Variants in EFNA5 observed in about 807,000 individuals in gnomAD.
EFNA5 encodes the protein ephrin A5.
In EFNA5, 5 loss-of-function variants were observed where a neutral mutation model predicts 22.9. That is an observed-to-expected ratio of 0.22 (90% CI 0.11 to 0.46). EFNA5 has a LOEUF of 0.46. Ranked by LOEUF, EFNA5 falls within the 20% of genes least tolerant of loss-of-function variation. The pLI, the probability that EFNA5 is intolerant of heterozygous loss-of-function variation, is 0.99. For missense variants in EFNA5, 237 were observed against 293.3 expected (o/e 0.81, Z 1.40); for synonymous variants, 113 against 112.2 (o/e 1.01, Z -0.04).
chr5:107,518,758 T>A (rs535682041), intron 1 of EFNA5, among the ~76,000 whole-genome samples: 1 of 152,304 alleles, frequency 6.6e-6, no homozygotes, highest in South Asian at 2.1e-4. Flanking sequence ...CTACAACGTA[T>A]GGCAATGTTT....
rs567191492 is a variant in EFNA5, at chr5:107,456,735, C to T, written c.126-29226G>A. On this transcript the variant is annotated intron_variant, in intron 1 of 4. Transcript: ENST00000333274. The stretch of plus-strand genomic sequence containing the variant: ...TCTATACCCTTTTGCATCTCTAATG[C>T]TCACCTCCTGTCCAGATGAGCTCTC... Among the ~76,000 whole-genome samples, 48 of 152,254 alleles carry T rather than the reference C, an allele frequency of 3.2e-4. 1 individual carries two copies. The highest frequency in any genetic ancestry group is 1.1e-3 in the African/African-American group (44 of 41,548).
chr5:107,558,119 A>G (rs2112474674), intron 1 of EFNA5, among the ~76,000 whole-genome samples: 1 of 152,238 alleles, frequency 6.6e-6, no homozygotes, highest in East Asian at 1.9e-4. Flanking sequence ...ATTAAAATAA[A>G]CATAAACAAG....
At chr5:107,665,209 T>C (rs904815568) in intron 1 of EFNA5, among the ~76,000 whole-genome samples, 7 of 152,324 alleles carry the variant, frequency 4.6e-5, no homozygotes, top group Middle Eastern at 3.4e-3. Context: ...TGGCCCAGCG[T>C]GAAGCTGGTA....
At chr5:107,393,500 G>C (rs1370806347) in intron 2 of EFNA5, among the ~76,000 whole-genome samples, 1 of 152,126 alleles carries the variant, frequency 6.6e-6, no homozygotes, top group Non-Finnish European at 1.5e-5. Flanking sequence ...CCTTTTCTGT[G>C]TCCCATGTCA....
intron 2 of EFNA5, among the ~76,000 whole-genome samples, chr5:107,413,743 A>T (rs528124087): frequency 6.6e-6 from 1 of 152,148 alleles, no homozygotes; most frequent in Non-Finnish European, 1.5e-5. Context: ...AAAGGGTTCT[A>T]TGGTTTTTGT....
chr5:107,544,338 C>T (rs1580522295), intron 1 of EFNA5, among the ~76,000 whole-genome samples: 2 of 152,280 alleles, frequency 1.3e-5, no homozygotes, highest in Non-Finnish European at 2.9e-5. Context: ...GCGTAGTGCA[C>T]AGAGCATCAC....
chr5:107,634,070 T>G (rs1380035139), intron 1 of EFNA5, among the ~76,000 whole-genome samples: 1 of 152,222 alleles, frequency 6.6e-6, no homozygotes, highest in African/African-American at 2.4e-5. Context: ...CCACACAGTA[T>G]GTTTAATGGT....
chr5:107,565,286 GA>G (rs1173713333), intron 1 of EFNA5, among the ~76,000 whole-genome samples: 1 of 152,166 alleles, frequency 6.6e-6, no homozygotes, highest in African/African-American at 2.4e-5. Flanking sequence ...ATAGAGTTAG[GA>G]AAATAGTACG....
chr5:107,564,643 T>G (rs1432976317), intron 1 of EFNA5, among the ~76,000 whole-genome samples: 1 of 150,824 alleles, frequency 6.6e-6, no homozygotes, highest in Admixed American at 6.6e-5. Flanking sequence ...TTTTTTTTTT[T>G]TTTTTTTTGA....
intron 1 of EFNA5, among the ~76,000 whole-genome samples, chr5:107,547,014 G>A (rs184054632): frequency 1.3e-5 from 2 of 152,242 alleles, no homozygotes; most frequent in East Asian, 3.9e-4. Context: ...AATGATGGAT[G>A]GAAGTAAGGA....
At chr5:107,389,002 C>T (rs182087128) in intron 2 of EFNA5, among the ~76,000 whole-genome samples, 91 of 152,304 alleles carry the variant, frequency 6.0e-4, no homozygotes, top group African/African-American at 2.1e-3. Context: ...CCAAGTAACC[C>T]TCCTGGAGGA....
chr5:107,486,353 T>C (rs774232495), intron 1 of EFNA5, among the ~76,000 whole-genome samples: 5 of 152,044 alleles, frequency 3.3e-5, no homozygotes, highest in Non-Finnish European at 5.9e-5. Context: ...AGCTAAAAGA[T>C]ATGGAAGATA....
At chr5:107,444,178 C>G (rs763021369) in intron 1 of EFNA5, among the ~76,000 whole-genome samples, 1 of 152,194 alleles carries the variant, frequency 6.6e-6, no homozygotes. Flanking sequence ...TTCTGCACCC[C>G]TGAAAAAAGC....
intron 1 of EFNA5, among the ~76,000 whole-genome samples, chr5:107,530,119 CAA>C (rs760869463): frequency 5.3e-5 from 8 of 152,198 alleles, no homozygotes; most frequent in Non-Finnish European, 1.2e-4. Context: ...GACCAACTTC[CAA>C]ATTTCAGTGG....
At chr5:107,541,865 T>C (rs1748055620) in intron 1 of EFNA5, among the ~76,000 whole-genome samples, 1 of 152,258 alleles carries the variant, frequency 6.6e-6, no homozygotes, top group South Asian at 2.1e-4. Context: ...TTATTCTCTC[T>C]GTTCTACCAT....
In EFNA5 at chr5:107,581,737, C is replaced by G. The variant is rs80061065; in HGVS notation, c.125+88752G>C. ...TGCCTGCTTAGTGTGTAAATGGGAA[C>G]AGGGAGTAGAATCTAGGTCCCCAGC... On this transcript the variant is annotated intron_variant, in intron 1 of 4. Transcript: ENST00000333274. Among the ~76,000 whole-genome samples the G allele has an allele frequency of 9.8e-5, 15 of 152,286 alleles. 1 individual carries two copies. The highest frequency in any genetic ancestry group is 9.7e-4 in the East Asian group (5 of 5,174).
intron 1 of EFNA5, among the ~76,000 whole-genome samples, chr5:107,488,399 G>A (rs995061625): frequency 3.3e-5 from 5 of 152,170 alleles, no homozygotes; most frequent in Admixed American, 6.5e-5. Flanking sequence ...CAAAGACGGT[G>A]AGTGAAGTAA....
chr5:107,667,551 C>T (rs1339079333), intron 1 of EFNA5, among the ~76,000 whole-genome samples: 1 of 152,034 alleles, frequency 6.6e-6, no homozygotes, highest in African/African-American at 2.4e-5. Flanking sequence ...ACATTTAATT[C>T]TGATTTTACC....
At chr5:107,552,007 A>G (rs1010411859) in intron 1 of EFNA5, among the ~76,000 whole-genome samples, 1 of 152,154 alleles carries the variant, frequency 6.6e-6, no homozygotes, top group Non-Finnish European at 1.5e-5. Context: ...TTTTATAGCA[A>G]TCTCTCTCCT....
Sources: allele counts gnomAD v4.1 joint callset (sites outside exome capture counted in the v4.1 genomes callset), GRCh38; gene constraint gnomAD v4.1.1; transcripts MANE v1.5; gene names NCBI Gene and HGNC (gene_info 2026-07-23, HGNC 2026-07-21).